PITPNC1: variants seen among roughly 807,000 people sequenced by gnomAD.
The protein encoded by PITPNC1 is cytoplasmic phosphatidylinositol transfer protein 1.
In PITPNC1, 18 loss-of-function variants were observed where a neutral mutation model predicts 44.7. That is an observed-to-expected ratio of 0.40 (90% CI 0.28 to 0.60). The LOEUF (loss-of-function observed/expected upper bound fraction) is 0.60, where lower values mean the gene tolerates loss of function less well. Among genes scored for constraint, PITPNC1 ranks in the 20% least tolerant of loss-of-function variants. The pLI, the probability that PITPNC1 is intolerant of heterozygous loss-of-function variation, is 0.39. For missense variants in PITPNC1, 290 were observed against 418.4 expected, an observed-to-expected ratio of 0.69 and a Z score of 2.68; for synonymous variants, 141 against 149.6, an observed-to-expected ratio of 0.94 and a Z score of 0.42.
chr17:67,403,001 TG>T (rs1422461811), intron 1 of PITPNC1, among the ~76,000 whole-genome samples: 1 of 152,094 alleles, frequency 6.6e-6, no homozygotes, highest in Non-Finnish European at 1.5e-5. Context: ...CTGTTATATC[TG>T]TATTAACCGT....
intron 1 of PITPNC1, among the ~76,000 whole-genome samples, chr17:67,452,476 T>A (rs986025944): frequency 6.6e-6 from 1 of 151,908 alleles, no homozygotes; most frequent in Non-Finnish European, 1.5e-5. Flanking sequence ...TGTGCTTTCG[T>A]TCCTCTTGGG....
intron 1 of PITPNC1, among the ~76,000 whole-genome samples, chr17:67,431,504 T>G (rs2038856861): frequency 6.6e-6 from 1 of 152,222 alleles, no homozygotes; most frequent in South Asian, 2.1e-4. Context: ...AAAATATTCC[T>G]TGATAGTACA....
intron 5 of PITPNC1, among the ~76,000 whole-genome samples, chr17:67,599,253 GT>G (rs1005826967): frequency 6.6e-6 from 1 of 151,554 alleles, no homozygotes; most frequent in African/African-American, 2.4e-5. Flanking sequence ...GATGAATTCA[GT>G]TTTTGTCCAG....
intron 6 of PITPNC1, among the ~76,000 whole-genome samples, chr17:67,648,148 A>T (rs761057307): frequency 1.7e-4 from 26 of 152,210 alleles, no homozygotes; most frequent in Non-Finnish European, 3.1e-4. Context: ...AATACAGTAC[A>T]CAAGGAGCAA....
intron 1 of PITPNC1, among the ~76,000 whole-genome samples, chr17:67,474,902 C>T (rs1295407028): frequency 1.3e-5 from 2 of 152,080 alleles, no homozygotes; most frequent in South Asian, 4.1e-4. Context: ...AGTCCTCCTA[C>T]CTCAGCCTCC....
At chr17:67,633,028 A>G (rs77767828) in intron 6 of PITPNC1, among the ~76,000 whole-genome samples, 1 of 152,204 alleles carries the variant, frequency 6.6e-6, no homozygotes, top group South Asian at 2.1e-4. Flanking sequence ...ACCAGGATCC[A>G]TCCTTTGCCT....
intron 5 of PITPNC1, among the ~76,000 whole-genome samples, chr17:67,631,784 C>T (rs2041975546): frequency 6.7e-6 from 1 of 149,210 alleles, no homozygotes; most frequent in South Asian, 2.1e-4. Context: ...CCCTTTCCAA[C>T]CTCTTTACTC....
chr17:67,499,046 G>C (rs1325603714), intron 1 of PITPNC1, among the ~76,000 whole-genome samples: 1 of 151,396 alleles, frequency 6.6e-6, no homozygotes, highest in East Asian at 1.9e-4. Flanking sequence ...TAATTTTTTT[G>C]TATTTTTAAC....
At chr17:67,669,840 G>A (rs1448860055) in intron 7 of PITPNC1, among the ~76,000 whole-genome samples, 177 bp downstream of exon 7, 1 of 152,180 alleles carries the variant, frequency 6.6e-6, no homozygotes, top group African/African-American at 2.4e-5. Flanking sequence ...GGGAGGCCGA[G>A]GCGGGTAGAT....
intron 5 of PITPNC1, chr17:67,613,522 A>G (rs1442860648): frequency 1.3e-5 from 2 of 152,240 alleles, no homozygotes; most frequent in African/African-American, 4.8e-5. Context: ...TGGCTCATTT[A>G]TGTTACAGCC....
At chr17:67,514,189 TTTTTTG>T (rs1011144578) in intron 1 of PITPNC1, among the ~76,000 whole-genome samples, 48 of 151,702 alleles carry the variant, frequency 3.2e-4, no homozygotes, top group African/African-American at 9.4e-4. Context: ...AATTCACGGG[TTTTTTG>T]TTTTTGTTTT....
At chr17:67,481,839 T>C (rs1240566398) in intron 1 of PITPNC1, among the ~76,000 whole-genome samples, 1 of 151,524 alleles carries the variant, frequency 6.6e-6, no homozygotes, top group Non-Finnish European at 1.5e-5. Flanking sequence ...TACAGTCTGA[T>C]TGAGAAACCG....
chr17:67,681,756 C>T (rs1481183104), intron 8 of PITPNC1, among the ~76,000 whole-genome samples: 1 of 151,610 alleles, frequency 6.6e-6, no homozygotes, highest in East Asian at 1.9e-4. Flanking sequence ...GAAAATAGGA[C>T]ATTTGCCCAT....
intron 1 of PITPNC1, among the ~76,000 whole-genome samples, chr17:67,464,149 C>T (rs967541941): frequency 1.3e-5 from 2 of 151,414 alleles, no homozygotes; most frequent in Admixed American, 6.6e-5. Context: ...GCAGAGATCA[C>T]GCCACTGCAC....
intron 1 of PITPNC1, among the ~76,000 whole-genome samples, chr17:67,416,203 C>CTTTTTTTTTTTTTTTTTTTTT (rs71687631): frequency 1.3e-4 from 9 of 67,624 alleles, no homozygotes; most frequent in East Asian, 4.6e-4. Flanking sequence ...ACATGTATTG[C>CTTTTTTTTTTTTTTTTTTTTT]TTTTTTTTTT....
chr17:67,413,320 C>T (rs1034970204), intron 1 of PITPNC1, among the ~76,000 whole-genome samples: 2 of 152,110 alleles, frequency 1.3e-5, no homozygotes, highest in African/African-American at 2.4e-5. Context: ...CCAAGTTTGA[C>T]CCATTAGCTC....
In PITPNC1 at chr17:67,663,868, C is replaced by A. The variant is rs568046439; in HGVS notation, c.463-5640C>A. Among the ~76,000 whole-genome samples the A allele has an allele frequency of 2.6e-4, 39 of 152,284 alleles. No individual in the cohort carries two copies. The South Asian group carries it at 7.9e-3, about 31-fold the overall frequency. On this transcript the variant is annotated intron_variant, in intron 6 of 8. Coordinates refer to ENST00000581322, the MANE Select transcript of PITPNC1 (RefSeq NM_012417.4). Reference sequence around the variant, plus strand: ...CGCTTCTTATGGAAACCTGCTTCCGCCCTAGACCTGTTTTAGCTAGCCCTC... The same window carrying A: ...CGCTTCTTATGGAAACCTGCTTCCGACCTAGACCTGTTTTAGCTAGCCCTC...
In PITPNC1 at chr17:67,536,995, A is replaced by G. The variant is rs2040539450; in HGVS notation, c.197+4045A>G. Among the ~76,000 whole-genome samples the G allele has an allele frequency of 2.6e-5, 4 of 152,242 alleles. No homozygotes were observed. The South Asian group carries it at 8.3e-4, about 32-fold the overall frequency. Reference sequence around the variant, plus strand: ...ACACTGGATAATAACCATACCAAAAAGACACTTATAGGCCAATCTCAGTTG... The same window carrying G: ...ACACTGGATAATAACCATACCAAAAGGACACTTATAGGCCAATCTCAGTTG... On this transcript the variant is annotated intron_variant, in intron 2 of 8. Transcript: ENST00000581322.
chr17:67,501,417 G>A (rs182088705), intron 1 of PITPNC1, among the ~76,000 whole-genome samples: 1 of 152,122 alleles, frequency 6.6e-6, no homozygotes, highest in African/African-American at 2.4e-5. Context: ...TGTCTCCTTC[G>A]CTGCCTTGTC....
Sources: gnomAD v4.1 joint callset for allele counts (sites outside exome capture counted in the v4.1 genomes callset) on GRCh38, gnomAD v4.1.1 for gene constraint, MANE v1.5 for transcripts, NCBI Gene and HGNC (gene_info 2026-07-23, HGNC 2026-07-21) for gene names.